Variants in ZFP2 observed in about 807,000 individuals in gnomAD.
ZFP2 encodes zinc finger protein ZFP2.
In ZFP2, 33 loss-of-function variants were observed where a neutral mutation model predicts 36.1. The ratio of observed to expected loss-of-function variants is 0.92; its 90% CI spans 0.69 to 1.22. The LOEUF (loss-of-function observed/expected upper bound fraction) is 1.22, where lower values mean the gene tolerates loss of function less well. Among genes scored for constraint, ZFP2 ranks in the 50% most tolerant of loss-of-function variants. The pLI is 0.00. For synonymous variants in ZFP2, 170 were observed against 178.0 expected, an observed-to-expected ratio of 0.96 and a Z score of 0.36; for missense variants, 522 against 551.4, an observed-to-expected ratio of 0.95 and a Z score of 0.53.
At chr5:178,922,921 A>T (rs1451701169) in intron 4 of ZFP2, among the ~76,000 whole-genome samples, 1 of 149,562 alleles carries the variant, frequency 6.7e-6, no homozygotes, top group East Asian at 1.9e-4. Context: ...TAGAAAAAAA[A>T]ATATTGAAAG....
chr5:178,913,818 C>G (rs1218066908), intron 3 of ZFP2: 1 of 148,750 alleles, frequency 6.7e-6, no homozygotes, highest in East Asian at 1.9e-4. Context: ...TCTTTATCTT[C>G]TCTACCATGT....
intron 4 of ZFP2, among the ~76,000 whole-genome samples, chr5:178,919,315 T>A (rs185839942): frequency 2.6e-5 from 4 of 152,358 alleles, no homozygotes; most frequent in Non-Finnish European, 4.4e-5. Context: ...TCCTTCTTCG[T>A]GCTAGTTATA....
chr5:178,909,833 A>G, intron 1 of ZFP2: 3 of 1,590,770 alleles, frequency 1.9e-6, no homozygotes, highest in South Asian at 2.2e-5. Context: ...GCCAGGCCTC[A>G]TCTTCACTGT....
At chr5:178,913,210 C>T (rs1758333719) in intron 3 of ZFP2, 139 bp downstream of exon 3, 1 of 287,130 alleles carries the variant, frequency 3.5e-6, no homozygotes, top group Admixed American at 6.5e-5. Flanking sequence ...TGATGGGCCT[C>T]TTTTCTCTAG....
At chr5:178,903,619 A>T (rs1054576786) in intron 1 of ZFP2, among the ~76,000 whole-genome samples, 2 of 152,216 alleles carry the variant, frequency 1.3e-5, no homozygotes, top group African/African-American at 2.4e-5. Context: ...GCTACAAAAA[A>T]GTTTTGAAGT....
chr5:178,930,314 C>CTTTTTTTTTTTTTTTTTTTTTTTTTTTTT (rs990713790), intron 4 of ZFP2, among the ~76,000 whole-genome samples: 17 of 71,370 alleles, frequency 2.4e-4, no homozygotes, highest in South Asian at 6.0e-4. Flanking sequence ...TTTCCCTTTC[C>CTTTTTTTTTTTTTTTTTTTTTTTTTTTTT]TTTTTTTTTT....
At chr5:178,926,694 T>A (rs372718769) in intron 4 of ZFP2, among the ~76,000 whole-genome samples, 35 of 152,224 alleles carry the variant, frequency 2.3e-4, no homozygotes, top group Middle Eastern at 3.4e-3. Flanking sequence ...TTTTTTTGTA[T>A]TTTTTAGTAG....
At chr5:178,925,375 T>C (rs1438374215) in intron 4 of ZFP2, among the ~76,000 whole-genome samples, 1 of 148,956 alleles carries the variant, frequency 6.7e-6, no homozygotes, top group African/African-American at 2.4e-5. Flanking sequence ...ATTCTCACAC[T>C]GTTGCAAGGT....
chr5:178,913,247 G>A (rs906117872), intron 3 of ZFP2, among the ~76,000 whole-genome samples, 176 bp downstream of exon 3: 1 of 152,198 alleles, frequency 6.6e-6, no homozygotes, highest in Non-Finnish European at 1.5e-5. Flanking sequence ...CTTGCAGGGA[G>A]GTGGTGGATT....
intron 4 of ZFP2, among the ~76,000 whole-genome samples, chr5:178,930,212 C>T (rs1758797154): frequency 6.6e-6 from 1 of 151,320 alleles, no homozygotes; most frequent in East Asian, 1.9e-4. Context: ...TGGGTGGGGA[C>T]ACACATCCAA....
At chr5:178,903,046 C>T (rs1273722746) in intron 1 of ZFP2, among the ~76,000 whole-genome samples, 1 of 152,146 alleles carries the variant, frequency 6.6e-6, no homozygotes, top group Non-Finnish European at 1.5e-5. Flanking sequence ...TTTGTTGCTG[C>T]TTCTCTGAAT....
At chr5:178,918,926 CCCA>C (rs1758493212) in intron 4 of ZFP2, among the ~76,000 whole-genome samples, 1 of 152,124 alleles carries the variant, frequency 6.6e-6, no homozygotes, top group South Asian at 2.1e-4. Flanking sequence ...AGGCTCCAAG[CCCA>C]CAATACTCCA....
rs1292577897 is a variant in ZFP2, at chr5:178,924,140, G to A, written c.-77-7097G>A. On this transcript the variant is annotated intron_variant, in intron 4 of 4. Coordinates refer to ENST00000361362, the MANE Select transcript of ZFP2 (RefSeq NM_030613.4). ...TGTAATCCCAGCACTTTTTGAGGCC[G>A]AGGCGGGCGGATCACGAGGTCAGGA... Among the ~76,000 whole-genome samples, 8 of 148,726 alleles carry A rather than the reference G, an allele frequency of 5.4e-5. 1 individual carries two copies. The highest frequency in any genetic ancestry group is 1.3e-4 in the Admixed American group (2 of 14,870).
At chr5:178,917,317 T>C (rs928311455) in intron 4 of ZFP2, among the ~76,000 whole-genome samples, 1 of 152,176 alleles carries the variant, frequency 6.6e-6, no homozygotes, top group Non-Finnish European at 1.5e-5. Flanking sequence ...GTTTCACACA[T>C]GATTTTTAAA....
intron 4 of ZFP2, among the ~76,000 whole-genome samples, chr5:178,919,767 C>T (rs1758514068): frequency 6.6e-6 from 1 of 152,014 alleles, no homozygotes; most frequent in Non-Finnish European, 1.5e-5. Flanking sequence ...TGAGACTGGC[C>T]TGGGCAAAAC....
At position 178,921,520 on chromosome 5, in the gene ZFP2, C is replaced by G. The variant is rs1324897422; in HGVS notation, c.-78+4810C>G. On this transcript the variant is annotated intron_variant, in intron 4 of 4. Coordinates refer to ENST00000361362, the MANE Select transcript of ZFP2 (RefSeq NM_030613.4). ...TCAGCTTGCAGTGGCACTGCTGTTG[C>G]AGCAGCCACCAGAGGATTGCTTAAG... Among the ~76,000 whole-genome samples the G allele has an allele frequency of 2.7e-5, 4 of 149,580 alleles. 1 individual carries two copies. Among genetic ancestry groups the G allele is most frequent in the Non-Finnish European group, 6.0e-5 (4 of 66,630 alleles).
intron 4 of ZFP2, among the ~76,000 whole-genome samples, chr5:178,918,950 G>A (rs1758493630): frequency 6.6e-6 from 1 of 152,092 alleles, no homozygotes; most frequent in African/African-American, 2.4e-5. Flanking sequence ...TCAATTCTGA[G>A]TAAAGCCCCC....
Position 178,901,292 on chromosome 5 carries a change from C to T in ZFP2, c.-450+5318C>T, listed in dbSNP as rs374733972. Among the ~76,000 whole-genome samples the T allele has an allele frequency of 2.6e-4, 40 of 152,350 alleles. 1 individual carries two copies. In the East Asian group the frequency reaches 6.7e-3, roughly 26 times the overall value. On this transcript the variant is annotated intron_variant, in intron 1 of 4. Transcript: ENST00000361362. ...GCAGTATTTGAGAATTCCAGTCGCT[C>T]TACATGCTCTTCCATACTTGGTGTA...
At chr5:178,928,001 G>A (rs1409558394) in intron 4 of ZFP2, among the ~76,000 whole-genome samples, 2 of 151,816 alleles carry the variant, frequency 1.3e-5, no homozygotes, top group African/African-American at 2.4e-5. Context: ...CCAGGAGCAA[G>A]AGAGAGTGGC....
Sources: allele counts gnomAD v4.1 joint callset (sites outside exome capture counted in the v4.1 genomes callset), GRCh38; gene constraint gnomAD v4.1.1; transcripts MANE v1.5; gene names NCBI Gene and HGNC (gene_info 2026-07-23, HGNC 2026-07-21).